KIAA1549: variants seen among roughly 807,000 people sequenced by gnomAD.
KIAA1549 encodes UPF0606 protein KIAA1549.
A neutral mutation model predicts 156.4 loss-of-function variants in KIAA1549; 70 were observed. The ratio of observed to expected loss-of-function variants is 0.45; its 90% CI spans 0.37 to 0.55. The LOEUF is 0.55. Ranked by LOEUF, KIAA1549 falls within the 20% of genes least tolerant of loss-of-function variation. KIAA1549 has a pLI of 0.00. For missense variants in KIAA1549, 2,428 were observed against 2,540.9 expected (o/e 0.96, Z 0.96); for synonymous variants, 1,103 against 1,066.4 (o/e 1.03, Z -0.67).
chr7:138,900,721 A>G (rs1375708509), intron 8 of KIAA1549, among the ~76,000 whole-genome samples: 1 of 152,198 alleles, frequency 6.6e-6, no homozygotes. Context: ...AGTTCCTGAG[A>G]GAGCTGGTGT....
rs1810547489 is a variant in KIAA1549 at position 138,860,779 on chromosome 7, T to A, written c.5247+360A>T. ...TTGGATACATTCTAAACTGAAACTT[T>A]TCTGGAGACATCAACAAGAATACAT... On this transcript the variant is annotated intron_variant, in intron 16 of 19. Transcript: ENST00000422774. 2.6e-5 allele frequency among the ~76,000 whole-genome samples: 4 copies of A among 151,462 alleles called. No individual in the cohort carries two copies. The South Asian group carries it at 8.3e-4, about 31-fold the overall frequency.
chr7:138,962,039 G>T (rs1279461598), intron 1 of KIAA1549, among the ~76,000 whole-genome samples: 1 of 152,088 alleles, frequency 6.6e-6, no homozygotes, highest in Non-Finnish European at 1.5e-5. Flanking sequence ...CCTGTGCAAG[G>T]ATGCACTGGA....
At chr7:138,901,330 T>A (rs978588028) in intron 8 of KIAA1549, among the ~76,000 whole-genome samples, 92 of 150,506 alleles carry the variant, frequency 6.1e-4, no homozygotes, top group East Asian at 1.8e-3. Context: ...AGTTTTATTT[T>A]TTTTTTTTTT....
At chr7:138,925,829 CAAAAAAAAA>C (rs59066216) in intron 1 of KIAA1549, among the ~76,000 whole-genome samples, 66 of 44,598 alleles carry the variant, frequency 1.5e-3, no homozygotes, top group African/African-American at 3.5e-3. Flanking sequence ...GATCCTGTCT[CAAAAAAAAA>C]AAAAAAAAAA....
rs752616556 is a variant in KIAA1549 at position 138,840,180 on chromosome 7, G to A, written c.5551C>T (p.Pro1851Ser). The A allele has an allele frequency of 6.4e-7, 1 of 1,561,366 alleles. No individual in the cohort carries two copies. Among genetic ancestry groups the A allele is most frequent in the Admixed American group, 1.9e-5 (1 of 51,722 alleles). Residue 1851 changes from proline to serine, a missense_variant, in exon 19 of 20, where the codon CCA (proline) becomes TCA (serine). Pro to Ser is a moderately conservative substitution (Grantham distance 74). This residue lies in a region of KIAA1549 where 363 missense variants were observed against 354.0 expected (regional missense o/e 1.03). Transcript: ENST00000422774. ...TCCTCCCCGTACGAAGGCCAGCCTGGCCCCCCATACTGGCTGCCTCTGCTT... is the reference window on the plus strand; with the variant it reads ...TCCTCCCCGTACGAAGGCCAGCCTGACCCCCCATACTGGCTGCCTCTGCTT... ...PPSRGSQYGG[P>S]GWPSYGEDEA...
rs367992394 is a variant in KIAA1549, at chr7:138,916,762, T to C, written c.2864A>G (p.Tyr955Cys). 2 of 1,613,732 alleles carry C rather than the reference T, an allele frequency of 1.2e-6. No homozygotes were observed. The highest frequency in any genetic ancestry group is 1.7e-5 in the Admixed American group (1 of 59,998). The change falls in exon 2 of 20, where the codon TAT (tyrosine) becomes TGT (cysteine). Residue 955 changes from tyrosine (Y) to cysteine (C), a missense_variant. Around this residue, in one of 5 missense-constraint regions of KIAA1549, gnomAD observed 762 missense variants for 901.6 expected, o/e 0.85. Transcript: ENST00000422774. ...CTGGGCCTTACCAGTTGTGATCAGATAGGCATCGGGGACTGTGATATCACA... is the reference window on the plus strand; with the variant it reads ...CTGGGCCTTACCAGTTGTGATCAGACAGGCATCGGGGACTGTGATATCACA... The part of the protein sequence containing the change: ...YVCDITVPDA[Y>C]LITTVLARRA...
intron 1 of KIAA1549, among the ~76,000 whole-genome samples, chr7:138,954,982 G>T (rs555266463): frequency 6.6e-6 from 1 of 152,304 alleles, no homozygotes; most frequent in African/African-American, 2.4e-5. Context: ...TGGCACCACA[G>T]ACAGCAGCAG....
At chr7:138,975,239 G>A (rs780869947) in intron 1 of KIAA1549, among the ~76,000 whole-genome samples, 1 of 152,186 alleles carries the variant, frequency 6.6e-6, no homozygotes, top group Non-Finnish European at 1.5e-5. Context: ...AAAAAAGAAA[G>A]AGACAAAGAG....
intron 9 of KIAA1549, among the ~76,000 whole-genome samples, chr7:138,896,795 C>T (rs551490652): frequency 6.6e-6 from 1 of 151,992 alleles, no homozygotes; most frequent in South Asian, 2.1e-4. Context: ...GAGATGGGGT[C>T]TTGCTATGTT....
chr7:138,898,102 A>T (rs1811739233), intron 9 of KIAA1549, among the ~76,000 whole-genome samples: 2 of 151,426 alleles, frequency 1.3e-5, no homozygotes, highest in Non-Finnish European at 2.9e-5. Context: ...AGGTCAAGAG[A>T]TCGAGACCAT....
intron 9 of KIAA1549, among the ~76,000 whole-genome samples, chr7:138,897,783 C>T (rs1811722716): frequency 6.7e-6 from 1 of 149,452 alleles, no homozygotes; most frequent in African/African-American, 2.5e-5. Context: ...GTCCTAGCTA[C>T]TCAGGAGGCT....
chr7:138,840,563 A>G (rs1041770734), intron 18 of KIAA1549, among the ~76,000 whole-genome samples: 1 of 151,948 alleles, frequency 6.6e-6, no homozygotes, highest in African/African-American at 2.4e-5. Flanking sequence ...AAAGAAGAAA[A>G]TCCCATTGCA....
intron 10 of KIAA1549, among the ~76,000 whole-genome samples, chr7:138,884,796 A>T (rs1811344132): frequency 6.6e-6 from 1 of 152,238 alleles, no homozygotes; most frequent in African/African-American, 2.4e-5. Context: ...ATCCTGAAAC[A>T]CACCTATGAC....
rs781751712 is a variant in KIAA1549, at chr7:138,917,654, A to T, written c.1972T>A (p.Phe658Ile). The change falls in exon 2 of 20, where the codon TTC becomes ATC. Residue 658 changes from phenylalanine (F) to isoleucine (I), a missense_variant. Physicochemically the swap from Phe to Ile is conservative, Grantham distance 21 (BLOSUM62 0). This residue lies in a region of KIAA1549 where 893 missense variants were observed against 847.9 expected (regional missense o/e 1.05). Coordinates refer to ENST00000422774, the MANE Select transcript of KIAA1549 (RefSeq NM_001164665.2). Reference protein sequence around the residue: ...LSLMPSDLSPFTSQSFSPLVE... With the variant: ...LSLMPSDLSPITSQSFSPLVE... ...AAGGGAGAAAAAGACTGAGATGTGA[A>T]GGGGGACAAGTCACTCGGCATCAGA... The T allele has an allele frequency of 2.7e-5, 43 of 1,613,088 alleles. No individual in the cohort carries two copies. The highest frequency in any genetic ancestry group is 3.4e-5 in the Non-Finnish European group (40 of 1,179,550).
chr7:138,894,321 G>C (rs769890492), intron 10 of KIAA1549, 21 bp downstream of exon 10: 18 of 1,612,798 alleles, frequency 1.1e-5, no homozygotes, highest in South Asian at 2.2e-5. Context: ...AGGAACACTG[G>C]GGGAAGAGGC....
Position 138,868,297 on chromosome 7 carries a change from C to A in KIAA1549, c.4776-169G>T, listed in dbSNP as rs966211655. Among the ~76,000 whole-genome samples the A allele has an allele frequency of 4.1e-4, 63 of 152,192 alleles. 2 individuals are homozygous for A. The highest frequency in any genetic ancestry group is 8.2e-4 in the Non-Finnish European group (56 of 68,030). On this transcript the variant is annotated intron_variant, in intron 14 of 19. Coordinates refer to ENST00000422774, the MANE Select transcript of KIAA1549 (RefSeq NM_001164665.2). ...GTCTCTGCTCTAAGGAAGCTCAGAG[C>A]ATACCTAAACAGACCTATTAACCCA...
At chr7:138,949,058 G>A (rs1813415917) in intron 1 of KIAA1549, among the ~76,000 whole-genome samples, 1 of 152,140 alleles carries the variant, frequency 6.6e-6, no homozygotes, top group Non-Finnish European at 1.5e-5. Context: ...CTCATACTAG[G>A]AGTAACAGCT....
intron 15 of KIAA1549, among the ~76,000 whole-genome samples, chr7:138,866,567 C>T (rs1810747780): frequency 6.6e-6 from 1 of 152,176 alleles, no homozygotes; most frequent in Non-Finnish European, 1.5e-5. Flanking sequence ...CAGGGCTCTC[C>T]TGGTATGGAG....
Position 138,919,293 on chromosome 7 carries a change from G to A in KIAA1549, c.333C>T (p.Ala111=), listed in dbSNP as rs756274455. ...TATCAAAAGTAGTGGCAGACGGCGGGGCTGTGACATGGAGAGGACTGCTGT... is the reference window on the plus strand; with the variant it reads ...TATCAAAAGTAGTGGCAGACGGCGGAGCTGTGACATGGAGAGGACTGCTGT... ...SQHSSPLHVT[A]PPSATTFDTA... The change falls in exon 2 of 20, where the codon GCC becomes GCT. Residue 111 remains alanine (A), a synonymous_variant. Coordinates refer to ENST00000422774, the MANE Select transcript of KIAA1549 (RefSeq NM_001164665.2). 3.1e-6 allele frequency: 5 copies of A among 1,613,978 alleles called. No homozygotes were observed. The highest frequency in any genetic ancestry group is 1.1e-5 in the South Asian group (1 of 91,078).
Sources: gnomAD v4.1 joint callset for allele counts (sites outside exome capture counted in the v4.1 genomes callset) on GRCh38, gnomAD v4.1.1 for gene constraint, gnomAD v4.1.1 regional missense constraint, MANE v1.5 for transcripts, NCBI Gene and HGNC (gene_info 2026-07-23, HGNC 2026-07-21) for gene names.